The following TIPRL variants were observed in gnomAD, a reference collection of about 807,000 sequenced individuals.
TIPRL encodes TOR signaling pathway regulator.
TIPRL carries 10 observed loss-of-function variants against 32.3 expected under a neutral mutation model. The ratio of observed to expected loss-of-function variants is 0.31; its 90% CI spans 0.19 to 0.52. The LOEUF (loss-of-function observed/expected upper bound fraction) is 0.52. Ranked by LOEUF, TIPRL falls within the 20% of genes least tolerant of loss-of-function variation. The pLI, the probability that TIPRL is intolerant of heterozygous loss-of-function variation, is 0.96. For synonymous variants in TIPRL, 100 were observed against 114.0 expected, an observed-to-expected ratio of 0.88 and a Z score of 0.78; for missense variants, 250 against 328.1, an observed-to-expected ratio of 0.76 and a Z score of 1.84.
Position 168,191,397 on chromosome 1 carries a change from C to T in TIPRL, c.413C>T (p.Thr138Ile). Residue 138 changes from threonine to isoleucine, a missense_variant, in exon 4 of 7, where the codon ACA becomes ATA. Transcript: ENST00000367833. ...GTACCTACAACAGATCATATAGATA[C>T]AGAAAAATTGAAAGCCAGAGAACAG... is the stretch of plus-strand genomic sequence containing the variant. ...KVVPTTDHID[T>I]EKLKAREQIK... is the part of the protein sequence containing the mutation. 1 of 1,533,064 alleles carries T rather than the reference C, an allele frequency of 6.5e-7. No individual in the cohort carries two copies. The highest frequency in any genetic ancestry group is 8.7e-7 in the Non-Finnish European group (1 of 1,152,288). 95.0% of individuals were successfully genotyped at this position (1,533,064 alleles called of 1,614,324 possible).
At position 168,183,377 on chromosome 1, in the gene TIPRL, A is replaced by ATTTT. The variant is rs55731463; in HGVS notation, c.105-513_105-510dup. On this transcript the variant is annotated intron_variant, in intron 1 of 6. Transcript: ENST00000367833. ...GTGTAAATTATGTTAAATTCCTGTG[A>ATTTT]TTTTTTTTTTTTTTTGCTTGATTGT... Among the ~76,000 whole-genome samples, 308 of 129,748 alleles carry ATTTT rather than the reference A, an allele frequency of 2.4e-3. 11 individuals are homozygous for ATTTT. The highest frequency in any genetic ancestry group is 8.3e-3 in the African/African-American group (278 of 33,300). 85.1% of individuals were successfully genotyped at this position (129,748 alleles called of 152,430 possible).
At chr1:168,196,348 T>A (rs1001431072) in intron 4 of TIPRL, among the ~76,000 whole-genome samples, 199 bp from the exon 5 acceptor site, 31 of 152,188 alleles carry the variant, frequency 2.0e-4, no homozygotes, top group African/African-American at 7.2e-4. Context: ...GAAACTATGA[T>A]GTTAAATAGT....
At position 168,200,930 on chromosome 1, in the gene TIPRL, T is replaced by C. The variant is rs1275531229; in HGVS notation, c.*884T>C. The C allele has an allele frequency of 6.6e-6, 1 of 152,178 alleles. No homozygotes were observed. Among genetic ancestry groups the C allele is most frequent in the Non-Finnish European group, 1.5e-5 (1 of 68,008 alleles). The allele number at this position is 152,178 out of a possible 1,614,324, so 9.4% of individuals were successfully genotyped here. A position where few individuals can be genotyped will look rare whatever the true frequency, so the allele number is the denominator to read the frequency against. Reference sequence around the variant, plus strand: ...TAAAGCAACAAGATTAATTTTCTGCTTAAAATATTTGGGAAGATAGGTAAG... The same window carrying C: ...TAAAGCAACAAGATTAATTTTCTGCCTAAAATATTTGGGAAGATAGGTAAG... On this transcript the variant is annotated 3_prime_UTR_variant, in exon 7 of 7. Coordinates refer to ENST00000367833, the MANE Select transcript of TIPRL (RefSeq NM_152902.5).
Position 168,200,060 on chromosome 1 carries a change from A to G in TIPRL, c.*14A>G. The G allele has an allele frequency of 1.9e-6, 3 of 1,610,956 alleles. No individual in the cohort carries two copies. Among genetic ancestry groups the G allele is most frequent in the Non-Finnish European group, 2.5e-6 (3 of 1,178,914 alleles). On this transcript the variant is annotated 3_prime_UTR_variant, in exon 7 of 7. Transcript: ENST00000367833. ...CAAGTGGAATAAAATGTGATACAACATATACTCACTATGGAATCTGACTGG... is the reference window on the plus strand; with the variant it reads ...CAAGTGGAATAAAATGTGATACAACGTATACTCACTATGGAATCTGACTGG...
chr1:168,194,618 T>A (rs2102312299), intron 4 of TIPRL, among the ~76,000 whole-genome samples: 1 of 152,310 alleles, frequency 6.6e-6, no homozygotes, highest in Non-Finnish European at 1.5e-5. Flanking sequence ...CTTCTCAATT[T>A]GTTGTGACAT....
At position 168,192,353 on chromosome 1, in the gene TIPRL, CAAAA is replaced by C. The variant is rs11455456; in HGVS notation, c.516+862_516+865del. ...TGGGCGACAGAGCAAGACTCCGTCT[CAAAA>C]AAAAAAAATAAAATAAAATAAAAGA... On this transcript the variant is annotated intron_variant, in intron 4 of 6. Transcript: ENST00000367833. The C allele has an allele frequency of 3.9e-6, 3 of 769,030 alleles. No individual in the cohort carries two copies. The African/African-American group carries it at 6.0e-5, about 15-fold the overall frequency. The allele number at this position is 769,030 out of a possible 1,614,324, so 47.6% of individuals were successfully genotyped here. A position where few individuals can be genotyped will look rare whatever the true frequency, so the allele number is the denominator to read the frequency against.
At chr1:168,190,579 C>T (rs1318986604) in intron 3 of TIPRL, among the ~76,000 whole-genome samples, 1 of 150,360 alleles carries the variant, frequency 6.7e-6, no homozygotes, top group Non-Finnish European at 1.5e-5. Context: ...TATGGTTTGA[C>T]AAGCATTGTT....
intron 5 of TIPRL, among the ~76,000 whole-genome samples, chr1:168,198,443 T>G (rs924517278): frequency 2.0e-5 from 3 of 152,168 alleles, no homozygotes; most frequent in Non-Finnish European, 4.4e-5. Flanking sequence ...TGATTTTAAG[T>G]AAGCTATTTG....
Position 168,201,127 on chromosome 1 carries a change from G to A in TIPRL, c.*1081G>A, listed in dbSNP as rs568015485. On this transcript the variant is annotated 3_prime_UTR_variant, in exon 7 of 7. Transcript: ENST00000367833. ...TGATTGTTTTCATAGTGACCCCTTA[G>A]TCATTTTATATTCTTGTCTGCCTTT... is the stretch of plus-strand genomic sequence containing the variant. 2.0e-5 allele frequency: 3 copies of A among 152,060 alleles called. No homozygotes were observed. Among genetic ancestry groups the A allele is most frequent in the African/African-American group, 7.2e-5 (3 of 41,408 alleles). The allele number at this position is 152,060 out of a possible 1,614,324, so 9.4% of individuals were successfully genotyped here. A position where few individuals can be genotyped will look rare whatever the true frequency, so the allele number is the denominator to read the frequency against.
chr1:168,196,755 T>A (rs1381167898), intron 5 of TIPRL, 113 bp downstream of exon 5: 12 of 621,306 alleles, frequency 1.9e-5, no homozygotes, highest in Non-Finnish European at 5.0e-6. Context: ...GCAGTCTTTC[T>A]AACTGTTAAG....
At chr1:168,192,136 G>A in intron 4 of TIPRL, 1 of 1,360,738 alleles carries the variant, frequency 7.3e-7, no homozygotes, top group South Asian at 1.7e-5. Flanking sequence ...ACGGCAAGGT[G>A]GATGTCATTT....
intron 1 of TIPRL, among the ~76,000 whole-genome samples, chr1:168,180,805 C>CT (rs59607373): frequency 0.99 from 131,407 of 132,214 alleles, 65,303 homozygotes; most frequent in East Asian, 1. Context: ...TCTTTCTTTT[C>CT]TTTTTTTTTT....
chr1:168,185,815 G>A (rs7516220), intron 3 of TIPRL, among the ~76,000 whole-genome samples: 4,085 of 148,450 alleles, frequency 0.028, 81 homozygotes, highest in Non-Finnish European at 0.045. Flanking sequence ...AGTGGCTCAC[G>A]CCTGTAATCC....
rs1553279032 is a variant in TIPRL at position 168,192,361 on chromosome 1, A to AT, written c.516+861_516+862insT. On this transcript the variant is annotated intron_variant, in intron 4 of 6. Coordinates refer to ENST00000367833, the MANE Select transcript of TIPRL (RefSeq NM_152902.5). ...AGAGCAAGACTCCGTCTCAAAAAAA[A>AT]AAAATAAAATAAAATAAAAGAAGTA... 813 of 1,015,320 alleles carry AT rather than the reference A, an allele frequency of 8.0e-4. 6 individuals are homozygous for AT. In the African/African-American group the frequency reaches 9.0e-3, roughly 11 times the overall value. The allele number at this position is 1,015,320 out of a possible 1,614,324, so 62.9% of individuals were successfully genotyped here.
chr1:168,192,704 G>A (rs574653288), intron 4 of TIPRL, among the ~76,000 whole-genome samples: 2 of 152,274 alleles, frequency 1.3e-5, no homozygotes, highest in East Asian at 3.9e-4. Flanking sequence ...CGAGACCATG[G>A]TGAAACCCCG....
At chr1:168,191,913 A>G (rs971572194) in intron 4 of TIPRL, among the ~76,000 whole-genome samples, 1 of 151,620 alleles carries the variant, frequency 6.6e-6, no homozygotes, top group African/African-American at 2.4e-5. Context: ...GATGTCATGT[A>G]CAATTTCACT....
intron 1 of TIPRL, among the ~76,000 whole-genome samples, chr1:168,179,984 C>T (rs1699940453): frequency 6.6e-6 from 1 of 151,914 alleles, no homozygotes; most frequent in African/African-American, 2.4e-5. Context: ...AGAGGTAGGC[C>T]CCAGGGGAAT....
chr1:168,185,167 C>T (rs1247271859), intron 3 of TIPRL, among the ~76,000 whole-genome samples: 1 of 152,082 alleles, frequency 6.6e-6, no homozygotes, highest in Non-Finnish European at 1.5e-5. Context: ...GTGTTTCGGG[C>T]CTTGGTAATG....
chr1:168,180,416 T>C (rs756323241), intron 1 of TIPRL, among the ~76,000 whole-genome samples: 2 of 152,100 alleles, frequency 1.3e-5, no homozygotes, highest in Non-Finnish European at 2.9e-5. Flanking sequence ...AAAGTGAAGA[T>C]GTGTAGTAGG....
Sources: allele counts gnomAD v4.1 joint callset (sites outside exome capture counted in the v4.1 genomes callset), GRCh38; gene constraint gnomAD v4.1.1; transcripts MANE v1.5; gene names NCBI Gene and HGNC (gene_info 2026-07-23, HGNC 2026-07-21).